The following MAPK10 variants were observed in gnomAD, a reference collection of about 807,000 sequenced individuals.
MAPK10 encodes the protein mitogen-activated protein kinase 10.
In MAPK10, 25 loss-of-function variants were observed where a neutral mutation model predicts 59.3. That is an observed-to-expected ratio of 0.42 (90% CI 0.31 to 0.59). The LOEUF is 0.59. MAPK10 is among the 20% of genes least tolerant of loss of function. The pLI is 0.15. For synonymous variants in MAPK10, 190 were observed against 200.5 expected (o/e 0.95, Z 0.44); for missense variants, 351 against 568.9 (o/e 0.62, Z 3.90).
In MAPK10 at chr4:86,088,978, T is replaced by G. The variant is rs533602415; in HGVS notation, c.802+9546A>C. ...TAGAACTGAATTAAGGCAGACCTTT[T>G]GATATCAGGTTGACTCTTTCATATT... On this transcript the variant is annotated intron_variant, in intron 9 of 13. Transcript: ENST00000641462. Among the ~76,000 whole-genome samples the G allele has an allele frequency of 2.0e-5, 3 of 152,314 alleles. No individual in the cohort carries two copies. In the East Asian group the frequency reaches 5.8e-4, roughly 29 times the overall value.
At chr4:86,345,115 C>T (rs1440328263) in intron 2 of MAPK10, among the ~76,000 whole-genome samples, 1 of 152,066 alleles carries the variant, frequency 6.6e-6, no homozygotes, top group Non-Finnish European at 1.5e-5. Flanking sequence ...AAGCTGAAGA[C>T]AACAAAACGG....
Position 86,107,241 on chromosome 4 carries a change from C to G in MAPK10, c.348G>C (p.Lys116Asn). ...AACTCACGTTTTTATGGTTCACACACTTCATGAGGACCAGCTCCCGGTACG... is the reference window on the plus strand; with the variant it reads ...AACTCACGTTTTTATGGTTCACACAGTTCATGAGGACCAGCTCCCGGTACG... Reference protein sequence around the residue: ...KRAYRELVLMKCVNHKNIISL... With the variant: ...KRAYRELVLMNCVNHKNIISL... Residue 116 changes from lysine to asparagine, a missense_variant, in exon 5 of 14, where the codon AAG becomes AAC. Around this residue, in one of 5 missense-constraint regions of MAPK10, gnomAD observed 51 missense variants for 72.7 expected, o/e 0.70. Transcript: ENST00000641462. 6.2e-7 allele frequency: 1 copy of G among 1,612,970 alleles called. No individual in the cohort carries two copies. Among genetic ancestry groups the G allele is most frequent in the Non-Finnish European group, 8.5e-7 (1 of 1,179,326 alleles).
At position 86,173,209 on chromosome 4, in the gene MAPK10, G is replaced by A. The variant is rs150775443; in HGVS notation, c.67-13742C>T. Among the ~76,000 whole-genome samples the A allele has an allele frequency of 1.6e-4, 25 of 152,214 alleles. No individual in the cohort carries two copies. In the East Asian group the frequency reaches 4.8e-3, roughly 29 times the overall value. ...CAAAACTGGAGGCATCATTCTACCTGACTTCAAACTATACTACAAGGCTGC... is the reference window on the plus strand; with the variant it reads ...CAAAACTGGAGGCATCATTCTACCTAACTTCAAACTATACTACAAGGCTGC... On this transcript the variant is annotated intron_variant, in intron 3 of 13. Transcript: ENST00000641462.
In MAPK10 at chr4:86,200,696, T is replaced by TTAC. The variant is rs59250023; in HGVS notation, c.-6-6290_-6-6289insGTA. Among the ~76,000 whole-genome samples the TTAC allele has an allele frequency of 2.0e-4, 31 of 151,682 alleles. 1 individual carries two copies. The highest frequency in any genetic ancestry group is 6.6e-5 in the Admixed American group (1 of 15,174). On this transcript the variant is annotated intron_variant, in intron 2 of 13. Transcript: ENST00000641462. Reference sequence around the variant, plus strand: ...GAAATTATTGGATTGAGGAATAATATGTGTAATTTTTTAATATCTAATTTT... The same window carrying TTAC: ...GAAATTATTGGATTGAGGAATAATATTACGTGTAATTTTTTAATATCTAATTTT...
At chr4:86,500,241 A>G (rs1431112521) in intron 1 of MAPK10, among the ~76,000 whole-genome samples, 1 of 152,206 alleles carries the variant, frequency 6.6e-6, no homozygotes, top group Non-Finnish European at 1.5e-5. Flanking sequence ...AGGTCACACA[A>G]TAAGAATAGT....
intron 9 of MAPK10, among the ~76,000 whole-genome samples, chr4:86,075,663 G>T (rs1020927402): frequency 7.2e-5 from 11 of 151,910 alleles, no homozygotes; most frequent in African/African-American, 2.2e-4. Flanking sequence ...GTGTGAGGTG[G>T]CAGTGTGCCC....
intron 3 of MAPK10, among the ~76,000 whole-genome samples, chr4:86,165,360 A>G (rs911338189): frequency 3.9e-5 from 6 of 151,962 alleles, no homozygotes; most frequent in Admixed American, 1.3e-4. Flanking sequence ...GTATCAAATT[A>G]TTTACATATG....
chr4:86,426,000 G>A (rs1747232280), intron 1 of MAPK10, among the ~76,000 whole-genome samples: 1 of 151,996 alleles, frequency 6.6e-6, no homozygotes, highest in Admixed American at 6.6e-5. Flanking sequence ...CTGTGATTCA[G>A]TCTACACTAA....
chr4:86,407,268 C>G (rs1744476659), intron 1 of MAPK10, among the ~76,000 whole-genome samples: 1 of 152,028 alleles, frequency 6.6e-6, no homozygotes, highest in Non-Finnish European at 1.5e-5. Flanking sequence ...CTATTATTCT[C>G]CCAACTTTGT....
rs564153034 is a variant in MAPK10, at chr4:86,112,285, A to G, written c.237-4933T>C. ...GGGGTTTGTTTTCTCTTAGTTTTCT[A>G]GTTATTTTAGTTGTGATGTTAGGGT... On this transcript the variant is annotated intron_variant, in intron 4 of 13. Transcript: ENST00000641462. 2.6e-5 allele frequency among the ~76,000 whole-genome samples: 4 copies of G among 151,548 alleles called. No individual in the cohort carries two copies. In the South Asian group the frequency reaches 6.3e-4, roughly 24 times the overall value.
intron 2 of MAPK10, among the ~76,000 whole-genome samples, chr4:86,354,183 T>A (rs1197320214): frequency 1.3e-5 from 2 of 152,096 alleles, no homozygotes; most frequent in African/African-American, 4.8e-5. Context: ...GAGATGAATC[T>A]GTAAAATATA....
intron 2 of MAPK10, among the ~76,000 whole-genome samples, chr4:86,256,266 C>G (rs2093702387): frequency 6.6e-6 from 1 of 152,198 alleles, no homozygotes; most frequent in Non-Finnish European, 1.5e-5. Flanking sequence ...GTGTCAGTAG[C>G]TTGCTCATCC....
intron 2 of MAPK10, among the ~76,000 whole-genome samples, chr4:86,348,671 TA>T (rs947466676): frequency 3.7e-4 from 56 of 150,496 alleles, no homozygotes; most frequent in African/African-American, 9.0e-4. Flanking sequence ...GTTCTTATAA[TA>T]AAAAAAAAAT....
At chr4:86,055,108 A>G (rs2044299045) in intron 11 of MAPK10, among the ~76,000 whole-genome samples, 1 of 152,190 alleles carries the variant, frequency 6.6e-6, no homozygotes, top group Admixed American at 6.5e-5. Flanking sequence ...GTCACCAGTG[A>G]CCTGCACACA....
chr4:86,022,915 T>C (rs1324554128), intron 13 of MAPK10, among the ~76,000 whole-genome samples: 2 of 152,232 alleles, frequency 1.3e-5, no homozygotes, highest in Non-Finnish European at 2.9e-5. Flanking sequence ...CTTGAAGGTG[T>C]CTTTTGAAGC....
intron 2 of MAPK10, among the ~76,000 whole-genome samples, chr4:86,194,736 T>C (rs181197694): frequency 2.2e-4 from 33 of 151,794 alleles, no homozygotes; most frequent in African/African-American, 7.7e-4. Flanking sequence ...AAAAAAAAAC[T>C]CTCAAACATA....
At chr4:86,347,521 A>G (rs1054155578) in intron 2 of MAPK10, among the ~76,000 whole-genome samples, 2 of 152,286 alleles carry the variant, frequency 1.3e-5, no homozygotes, top group South Asian at 2.1e-4. Flanking sequence ...GTGGAGGAAA[A>G]AAGTTTGTAA....
At chr4:86,590,725 G>T (rs12505402) in intron 1 of MAPK10, among the ~76,000 whole-genome samples, 1,583 of 152,218 alleles carry the variant, frequency 0.01, 10 homozygotes, top group Non-Finnish European at 0.013. Context: ...GGTTGAGGCT[G>T]CAGTGAGCTG....
rs567787384 is a variant in MAPK10, at chr4:86,016,280, A to G, written c.*948T>C. On this transcript the variant is annotated 3_prime_UTR_variant, in exon 14 of 14. Transcript: ENST00000641462. ...AACAGGGACACCAGTGTCTCCTAGT[A>G]TCTGGGTAATAACCTCCTTTCAGTC... 1 of 152,342 alleles carries G rather than the reference A, an allele frequency of 6.6e-6. No homozygotes were observed. Among genetic ancestry groups the G allele is most frequent in the Admixed American group, 6.5e-5 (1 of 15,302 alleles). 9.4% of individuals were successfully genotyped at this position (152,342 alleles called of 1,614,324 possible).
Sources: gnomAD v4.1 joint callset for allele counts (sites outside exome capture counted in the v4.1 genomes callset) on GRCh38, gnomAD v4.1.1 for gene constraint, gnomAD v4.1.1 regional missense constraint, MANE v1.5 for transcripts, NCBI Gene and HGNC (gene_info 2026-07-23, HGNC 2026-07-21) for gene names.